LAPTM4B: variants seen among roughly 807,000 people sequenced by gnomAD.
LAPTM4B encodes lysosomal protein transmembrane 4 beta.
Under a neutral mutation model 28.5 loss-of-function variants are expected in LAPTM4B, and 26 were observed. That is an observed-to-expected ratio of 0.91 (90% CI 0.67 to 1.27). The LOEUF (loss-of-function observed/expected upper bound fraction) is 1.27, where lower values mean the gene tolerates loss of function less well. Among genes scored for constraint, LAPTM4B ranks in the 50% most tolerant of loss-of-function variants. The pLI, the probability that LAPTM4B is intolerant of heterozygous loss-of-function variation, is 0.00. For missense variants in LAPTM4B, 288 were observed against 285.8 expected (o/e 1.01, Z -0.06); for synonymous variants, 109 against 106.4 (o/e 1.02, Z -0.15).
chr8:97,790,109 C>T (rs529396010), intron 1 of LAPTM4B, among the ~76,000 whole-genome samples: 4 of 152,260 alleles, frequency 2.6e-5, no homozygotes, highest in East Asian at 1.9e-4. Flanking sequence ...TATCCATTCA[C>T]CTGTTGACAG....
intron 6 of LAPTM4B, among the ~76,000 whole-genome samples, chr8:97,847,504 A>G (rs1275061401): frequency 6.6e-6 from 1 of 152,236 alleles, no homozygotes; most frequent in African/African-American, 2.4e-5. Flanking sequence ...GCTTCCACAA[A>G]TGTCAAAATA....
chr8:97,846,766 A>C (rs1220468339), intron 6 of LAPTM4B, among the ~76,000 whole-genome samples: 1 of 152,232 alleles, frequency 6.6e-6, no homozygotes, highest in East Asian at 1.9e-4. Context: ...TATTTTGCCC[A>C]GGGTAGTCTG....
At chr8:97,810,716 T>G (rs1040168442) in intron 2 of LAPTM4B, among the ~76,000 whole-genome samples, 1 of 152,248 alleles carries the variant, frequency 6.6e-6, no homozygotes, top group Non-Finnish European at 1.5e-5. Flanking sequence ...CAAGTGTCTG[T>G]ACTATGCATA....
chr8:97,837,027 T>G (rs1411082878), intron 6 of LAPTM4B, among the ~76,000 whole-genome samples: 1 of 152,046 alleles, frequency 6.6e-6, no homozygotes, highest in Non-Finnish European at 1.5e-5. Context: ...TCTCAATAAA[T>G]TCTCTTTGAA....
chr8:97,778,819 G>T (rs1198536415), intron 1 of LAPTM4B, among the ~76,000 whole-genome samples: 1 of 152,012 alleles, frequency 6.6e-6, no homozygotes, highest in Non-Finnish European at 1.5e-5. Context: ...AGCACTAGCC[G>T]TCTCTGGGTC....
At chr8:97,819,091 G>A (rs1364600414) in intron 4 of LAPTM4B, 49 bp from the exon 5 acceptor site, 2 of 1,124,436 alleles carry the variant, frequency 1.8e-6, no homozygotes, top group East Asian at 4.7e-5. Context: ...AAGGAATACT[G>A]TCTGGAATGA....
At position 97,808,028 on chromosome 8, in the gene LAPTM4B, G is replaced by A. The variant is rs572854077; in HGVS notation, c.211+2564G>A. 4.0e-4 allele frequency among the ~76,000 whole-genome samples: 60 copies of A among 151,884 alleles called. 1 individual carries two copies. Among genetic ancestry groups the A allele is most frequent in the African/African-American group, 1.3e-3 (52 of 41,450 alleles). On this transcript the variant is annotated intron_variant, in intron 2 of 6. Transcript: ENST00000521545. ...TAGAGATGGGGTTTCGCCATGTTGC[G>A]TAGGCTGGTCTGGAACTCTTGAGCT...
At chr8:97,787,943 C>G (rs866080577) in intron 1 of LAPTM4B, among the ~76,000 whole-genome samples, 2 of 152,148 alleles carry the variant, frequency 1.3e-5, no homozygotes, top group Non-Finnish European at 2.9e-5. Flanking sequence ...AAGTGATTCT[C>G]CTGCGCCAGC....
At chr8:97,848,768 T>C (rs889394685) in intron 6 of LAPTM4B, among the ~76,000 whole-genome samples, 1 of 152,232 alleles carries the variant, frequency 6.6e-6, no homozygotes, top group Non-Finnish European at 1.5e-5. Context: ...TGAAGCTCAG[T>C]CTTGCTAAAA....
In LAPTM4B at chr8:97,843,680, C is replaced by T. The variant is rs111791617; in HGVS notation, c.604-7717C>T. ...ATGTAATCCCAGCTACTTGGGAGGC[C>T]GAGGCAGGAGAATGCCTTGAACCCA... On this transcript the variant is annotated intron_variant, in intron 6 of 6. Transcript: ENST00000521545. Among the ~76,000 whole-genome samples the T allele has an allele frequency of 2.2e-3, 328 of 151,508 alleles. 2 individuals carry two copies. Among genetic ancestry groups the T allele is most frequent in the African/African-American group, 7.6e-3 (312 of 41,252 alleles).
intron 1 of LAPTM4B, among the ~76,000 whole-genome samples, chr8:97,777,936 G>A (rs1816251886): frequency 6.6e-6 from 1 of 152,204 alleles, no homozygotes; most frequent in Non-Finnish European, 1.5e-5. Context: ...AAGTACATCA[G>A]AGAACGTAAT....
chr8:97,843,660 A>C (rs921854336), intron 6 of LAPTM4B, among the ~76,000 whole-genome samples: 4 of 151,812 alleles, frequency 2.6e-5, no homozygotes, highest in Admixed American at 2.6e-4. Flanking sequence ...GGTGCATGTA[A>C]TCCCAGCTAC....
intron 1 of LAPTM4B, among the ~76,000 whole-genome samples, chr8:97,795,593 C>T (rs1816568208): frequency 6.6e-6 from 1 of 152,100 alleles, no homozygotes; most frequent in Admixed American, 6.6e-5. Context: ...TGGCTCACAC[C>T]TGTAATCCCA....
At position 97,838,445 on chromosome 8, in the gene LAPTM4B, T is replaced by C. The variant is rs1586344360; in HGVS notation, c.604-12952T>C. 2.6e-5 allele frequency among the ~76,000 whole-genome samples: 4 copies of C among 152,322 alleles called. No individual in the cohort carries two copies. The East Asian group carries it at 7.7e-4, about 29-fold the overall frequency. On this transcript the variant is annotated intron_variant, in intron 6 of 6. Transcript: ENST00000521545. ...GCCGCCCATCAGGCCTTGTGCCGAG[T>C]GCTTTACATAGATTAACTCAATCAC...
chr8:97,821,607 G>A (rs1015007761), intron 5 of LAPTM4B, among the ~76,000 whole-genome samples: 3 of 151,660 alleles, frequency 2.0e-5, no homozygotes, highest in African/African-American at 4.9e-5. Flanking sequence ...TAGCTGTGAC[G>A]GTTTTGCATA....
At chr8:97,815,491 A>G in intron 3 of LAPTM4B, 90 bp downstream of exon 3, 1 of 887,934 alleles carries the variant, frequency 1.1e-6, no homozygotes, top group Non-Finnish European at 1.8e-6. Flanking sequence ...GTGACTTTCC[A>G]GTTTTCTGTT....
chr8:97,808,220 G>A (rs1349666921), intron 2 of LAPTM4B, among the ~76,000 whole-genome samples: 1 of 152,016 alleles, frequency 6.6e-6, no homozygotes, highest in Admixed American at 6.5e-5. Flanking sequence ...GGCCAAGGCA[G>A]GCAGATCACC....
At chr8:97,808,966 G>GAAAA (rs749984046) in intron 2 of LAPTM4B, among the ~76,000 whole-genome samples, 2 of 146,628 alleles carry the variant, frequency 1.4e-5, no homozygotes, top group Non-Finnish European at 1.5e-5. Flanking sequence ...ATCTCAGAAA[G>GAAAA]AAAAAGAAAA....
At chr8:97,832,830 C>T (rs1453351469) in intron 6 of LAPTM4B, among the ~76,000 whole-genome samples, 1 of 150,016 alleles carries the variant, frequency 6.7e-6, no homozygotes, top group Non-Finnish European at 1.5e-5. Flanking sequence ...CCGCAGCCTT[C>T]TGAGTAGCTG....
Sources: gnomAD v4.1 joint callset for allele counts (sites outside exome capture counted in the v4.1 genomes callset) on GRCh38, gnomAD v4.1.1 for gene constraint, MANE v1.5 for transcripts, NCBI Gene and HGNC (gene_info 2026-07-23, HGNC 2026-07-21) for gene names.